The following CPA6 variants were observed in gnomAD, a reference collection of about 807,000 sequenced individuals.
CPA6 encodes the protein carboxypeptidase B.
A neutral mutation model predicts 63.3 loss-of-function variants in CPA6; 58 were observed. The ratio of observed to expected loss-of-function variants is 0.92; its 90% confidence interval spans 0.74 to 1.14. CPA6 has a LOEUF of 1.14. CPA6 is among the 50% of genes most tolerant of loss of function. The pLI, the probability that CPA6 is intolerant of heterozygous loss-of-function variation, is 0.00. For synonymous variants in CPA6, 185 were observed against 179.0 expected, an observed-to-expected ratio of 1.03 and a Z score of -0.27; for missense variants, 565 against 526.6, an observed-to-expected ratio of 1.07 and a Z score of -0.71.
intron 1 of CPA6, among the ~76,000 whole-genome samples, chr8:67,683,866 C>A (rs560109800): frequency 6.6e-6 from 1 of 151,356 alleles, no homozygotes; most frequent in Non-Finnish European, 1.5e-5. Context: ...GCTCTGTTGC[C>A]CAGGCTGGAG....
At chr8:67,478,245 T>G (rs1811285020) in intron 8 of CPA6, among the ~76,000 whole-genome samples, 1 of 152,200 alleles carries the variant, frequency 6.6e-6, no homozygotes, top group Admixed American at 6.5e-5. Flanking sequence ...TGGAGGGTGG[T>G]GCCCATGGAA....
chr8:67,441,538 G>A (rs1810294402), intron 8 of CPA6, among the ~76,000 whole-genome samples: 1 of 152,050 alleles, frequency 6.6e-6, no homozygotes, highest in Non-Finnish European at 1.5e-5. Flanking sequence ...AGAAAATCTT[G>A]GAAAAGAAGA....
At chr8:67,635,432 C>A (rs1351038172) in intron 1 of CPA6, among the ~76,000 whole-genome samples, 2 of 151,596 alleles carry the variant, frequency 1.3e-5, no homozygotes, top group African/African-American at 4.9e-5. Flanking sequence ...TGGATGGTCT[C>A]ATTTTCTACA....
intron 2 of CPA6, among the ~76,000 whole-genome samples, chr8:67,607,087 CTCTTCTTCT>C (rs1323609317): frequency 1.4e-5 from 2 of 146,212 alleles, no homozygotes; most frequent in South Asian, 4.3e-4. Flanking sequence ...CTTCTTCTTC[CTCTTCTTCT>C]TCTTCTTCTT....
At chr8:67,689,650 C>A (rs1816777473) in intron 1 of CPA6, among the ~76,000 whole-genome samples, 1 of 152,082 alleles carries the variant, frequency 6.6e-6, no homozygotes, top group Admixed American at 6.6e-5. Flanking sequence ...ATATATGTAC[C>A]ACATTTTCTT....
chr8:67,594,139 A>C (rs1365910657), intron 2 of CPA6, among the ~76,000 whole-genome samples: 1 of 152,116 alleles, frequency 6.6e-6, no homozygotes, highest in South Asian at 2.1e-4. Flanking sequence ...TCCTTCACTT[A>C]TGAAGCTTAG....
At chr8:67,511,749 A>T in intron 3 of CPA6, 94 bp from the exon 4 acceptor site, 1 of 743,856 alleles carries the variant, frequency 1.3e-6, no homozygotes, top group Non-Finnish European at 2.4e-6. Context: ...CTATGTAAAG[A>T]AAGACTGTGG....
chr8:67,597,459 G>A (rs113919994), intron 2 of CPA6, among the ~76,000 whole-genome samples: 161 of 152,180 alleles, frequency 1.1e-3, no homozygotes, highest in South Asian at 5.2e-3. Flanking sequence ...CTCCTAAAGC[G>A]CTGGGATTAC....
chr8:67,707,549 G>A (rs1285498730), intron 1 of CPA6, among the ~76,000 whole-genome samples: 1 of 152,138 alleles, frequency 6.6e-6, no homozygotes, highest in Admixed American at 6.5e-5. Context: ...TTTGCAGTAG[G>A]ACACAATTAG....
At chr8:67,612,887 A>AT (rs1411922430) in intron 2 of CPA6, among the ~76,000 whole-genome samples, 2 of 152,202 alleles carry the variant, frequency 1.3e-5, no homozygotes, top group Non-Finnish European at 1.5e-5. Flanking sequence ...AGATACAGAC[A>AT]TTTTTGATTA....
chr8:67,502,610 C>A (rs979605170), intron 6 of CPA6, among the ~76,000 whole-genome samples: 1 of 152,056 alleles, frequency 6.6e-6, no homozygotes, highest in Non-Finnish European at 1.5e-5. Flanking sequence ...TAACATATAC[C>A]TTTAGTGCTA....
rs541562984 is a variant in CPA6 at position 67,594,219 on chromosome 8, T to C, written c.192+29957A>G. 6.4e-3 allele frequency among the ~76,000 whole-genome samples: 973 copies of C among 152,320 alleles called. 9 individuals carry two copies. Among genetic ancestry groups the C allele is most frequent in the African/African-American group, 0.022 (923 of 41,558 alleles). On this transcript the variant is annotated intron_variant, in intron 2 of 10. Coordinates refer to ENST00000297770, the MANE Select transcript of CPA6 (RefSeq NM_020361.5). ...GAATGTTGAAGATTGGCCCCCACTCTCTTCTGGCTTGTAGAGTTTCTGCCG... is the reference window on the plus strand; with the variant it reads ...GAATGTTGAAGATTGGCCCCCACTCCCTTCTGGCTTGTAGAGTTTCTGCCG...
intron 1 of CPA6, among the ~76,000 whole-genome samples, chr8:67,707,310 C>T (rs1372293096): frequency 2.0e-5 from 3 of 152,192 alleles, no homozygotes; most frequent in African/African-American, 7.2e-5. Flanking sequence ...AGAAGACTGA[C>T]ATAATCCTTT....
chr8:67,537,051 G>C (rs917320580), intron 2 of CPA6, among the ~76,000 whole-genome samples: 15 of 152,300 alleles, frequency 9.8e-5, no homozygotes, highest in African/African-American at 3.4e-4. Flanking sequence ...AAGCCGACTT[G>C]ATCATGGTGG....
intron 1 of CPA6, among the ~76,000 whole-genome samples, chr8:67,675,611 T>G (rs1411292916): frequency 6.6e-6 from 1 of 152,160 alleles, no homozygotes; most frequent in Non-Finnish European, 1.5e-5. Flanking sequence ...CCTAGGCATT[T>G]GCCTTTTAAA....
Position 67,472,034 on chromosome 8 carries a change from G to C in CPA6, c.838+11734C>G, listed in dbSNP as rs141508355. ...GAAAATTATCAGAGAGATGTATTTT[G>C]TTATCAGTGAAATCAGAAATGCAAA... On this transcript the variant is annotated intron_variant, in intron 8 of 10. Transcript: ENST00000297770. Among the ~76,000 whole-genome samples, 986 of 152,266 alleles carry C rather than the reference G, an allele frequency of 6.5e-3. 16 individuals carry two copies. Among genetic ancestry groups the C allele is most frequent in the African/African-American group, 0.023 (948 of 41,560 alleles).
rs115961366 is a variant in CPA6 at position 67,702,618 on chromosome 8, A to C, written c.116+43396T>G. Among the ~76,000 whole-genome samples, 1,046 of 152,336 alleles carry C rather than the reference A, an allele frequency of 6.9e-3. 7 individuals carry two copies. The highest frequency in any genetic ancestry group is 0.024 in the African/African-American group (986 of 41,572). ...TGGACGAGTGGGCTCAAGCATGCAC[A>C]CTAAGGCAAAATGGTGGTGTTTAAC... is the stretch of plus-strand genomic sequence containing the variant. On this transcript the variant is annotated intron_variant, in intron 1 of 10. Transcript: ENST00000297770.
chr8:67,676,000 G>A (rs946591934), intron 1 of CPA6, among the ~76,000 whole-genome samples: 3 of 152,128 alleles, frequency 2.0e-5, no homozygotes, highest in Non-Finnish European at 4.4e-5. Flanking sequence ...ACAGATGTAC[G>A]CTACCATGAC....
intron 1 of CPA6, among the ~76,000 whole-genome samples, chr8:67,679,343 C>T (rs1816544378): frequency 6.6e-6 from 1 of 152,154 alleles, no homozygotes; most frequent in African/African-American, 2.4e-5. Flanking sequence ...TATTTTTGCT[C>T]AGATAAAACA....
Sources: allele counts gnomAD v4.1 joint callset (sites outside exome capture counted in the v4.1 genomes callset), GRCh38; gene constraint gnomAD v4.1.1; transcripts MANE v1.5; gene names NCBI Gene and HGNC (gene_info 2026-07-23, HGNC 2026-07-21).